NUBPL: variants seen among roughly 807,000 people sequenced by gnomAD.
NUBPL encodes the protein iron-sulfur cluster transfer protein NUBPL.
In NUBPL, 31 loss-of-function variants were observed where a neutral mutation model predicts 45.7. That is an observed-to-expected ratio of 0.68 (90% CI 0.51 to 0.92). The LOEUF is 0.92. Among genes scored for constraint, NUBPL ranks in the 40% least tolerant of loss-of-function variants. The pLI, the probability that NUBPL is intolerant of heterozygous loss-of-function variation, is 0.00. For missense variants in NUBPL, 401 were observed against 398.7 expected (o/e 1.01, Z -0.05); for synonymous variants, 144 against 140.9 (o/e 1.02, Z -0.15).
At chr14:31,786,045 CTAT>C (rs1477154319) in intron 6 of NUBPL, among the ~76,000 whole-genome samples, 1 of 151,986 alleles carries the variant, frequency 6.6e-6, no homozygotes, top group East Asian at 1.9e-4. Flanking sequence ...ATAGTCCCAG[CTAT>C]TAGGGAGGCT....
At chr14:31,743,669 T>C (rs2038334220) in intron 6 of NUBPL, among the ~76,000 whole-genome samples, 1 of 152,182 alleles carries the variant, frequency 6.6e-6, no homozygotes, top group African/African-American at 2.4e-5. Flanking sequence ...AGTGAGCCAC[T>C]GCGCTTAGCC....
intron 4 of NUBPL, among the ~76,000 whole-genome samples, chr14:31,636,156 C>T (rs1237877593): frequency 6.6e-6 from 1 of 152,054 alleles, no homozygotes; most frequent in Non-Finnish European, 1.5e-5. Context: ...AGAGGGCATC[C>T]CTGTCTTGTG....
At chr14:31,745,845 T>A (rs1388276221) in intron 6 of NUBPL, among the ~76,000 whole-genome samples, 1 of 151,940 alleles carries the variant, frequency 6.6e-6, no homozygotes, top group African/African-American at 2.4e-5. Flanking sequence ...CATGGTATGA[T>A]AAGGAACGCT....
intron 6 of NUBPL, among the ~76,000 whole-genome samples, chr14:31,712,175 T>C (rs754033913): frequency 5.3e-5 from 8 of 152,208 alleles, no homozygotes; most frequent in Non-Finnish European, 4.4e-5. Context: ...AGAGAGCTGA[T>C]TGGTCCGTTT....
chr14:31,649,071 G>T (rs1401514523), intron 4 of NUBPL, among the ~76,000 whole-genome samples: 1 of 152,162 alleles, frequency 6.6e-6, no homozygotes, highest in Non-Finnish European at 1.5e-5. Flanking sequence ...GCCTCCCAAA[G>T]TGCTGGGATT....
At chr14:31,660,546 A>AT (rs2036245229) in intron 4 of NUBPL, among the ~76,000 whole-genome samples, 1 of 152,114 alleles carries the variant, frequency 6.6e-6, no homozygotes, top group Non-Finnish European at 1.5e-5. Context: ...ATACAGGTTT[A>AT]TTTTTTATAA....
chr14:31,854,281 C>A (rs1387581366), intron 10 of NUBPL, among the ~76,000 whole-genome samples: 2 of 152,072 alleles, frequency 1.3e-5, no homozygotes, highest in Non-Finnish European at 2.9e-5. Flanking sequence ...ACAAAAAGAT[C>A]TTGAATAGGA....
chr14:31,665,926 C>G lies in NUBPL; in HGVS notation c.383-7429C>G, dbSNP rs547943386. On this transcript the variant is annotated intron_variant, in intron 4 of 10. Transcript: ENST00000281081. ...AATCCGGGTGCTCCTGTATTGGGTG[C>G]ATATATATTTAAGATAATGCTTCTT... Among the ~76,000 whole-genome samples, 16 of 152,040 alleles carry G rather than the reference C, an allele frequency of 1.1e-4. No homozygotes were observed. In the East Asian group the frequency reaches 2.1e-3, roughly 20 times the overall value.
In NUBPL at chr14:31,673,342, T is replaced by C. The variant is rs778603807; in HGVS notation, c.383-13T>C. 1 of 1,599,048 alleles carries C rather than the reference T, an allele frequency of 6.3e-7. No homozygotes were observed. Among genetic ancestry groups the C allele is most frequent in the Non-Finnish European group, 8.5e-7 (1 of 1,171,898 alleles). ...TTTATTGTTCTAAAAGAGAGGATTT[T>C]TTTTTTTTCCAGGCAACCTAATGAG... On this transcript the variant is annotated splice_polypyrimidine_tract_variant and intron_variant, in intron 4 of 10. Coordinates refer to ENST00000281081, the MANE Select transcript of NUBPL (RefSeq NM_025152.3).
At chr14:31,810,944 C>T (rs1011051282) in intron 7 of NUBPL, among the ~76,000 whole-genome samples, 4 of 152,104 alleles carry the variant, frequency 2.6e-5, no homozygotes, top group African/African-American at 9.7e-5. Context: ...TGAATATTGG[C>T]CCCCACTCTC....
intron 7 of NUBPL, among the ~76,000 whole-genome samples, chr14:31,813,608 A>G (rs2039858624): frequency 6.6e-6 from 1 of 151,716 alleles, no homozygotes; most frequent in South Asian, 2.1e-4. Flanking sequence ...ACATAGATAT[A>G]CATGTACCAT....
intron 6 of NUBPL, among the ~76,000 whole-genome samples, chr14:31,766,674 T>G (rs2038918661): frequency 6.6e-6 from 1 of 152,156 alleles, no homozygotes; most frequent in Admixed American, 6.5e-5. Context: ...AGTTTCTCTC[T>G]CACAACTGTA....
chr14:31,825,776 C>T, intron 7 of NUBPL, among the ~76,000 whole-genome samples: 1 of 149,268 alleles, frequency 6.7e-6, no homozygotes. Flanking sequence ...TCTTCCTCCT[C>T]CTTTTTCTTC....
intron 8 of NUBPL, among the ~76,000 whole-genome samples, chr14:31,831,201 G>A (rs1022961992): frequency 6.6e-6 from 1 of 151,422 alleles, no homozygotes; most frequent in Non-Finnish European, 1.5e-5. Flanking sequence ...CCACCACCAC[G>A]CCCAGCTTAT....
chr14:31,606,678 GC>G (rs1355782822), intron 4 of NUBPL, among the ~76,000 whole-genome samples: 1 of 152,082 alleles, frequency 6.6e-6, no homozygotes, highest in African/African-American at 2.4e-5. Flanking sequence ...AGCCTCATGG[GC>G]CACAGAGGGC....
At chr14:31,761,525 G>A (rs2038809162) in intron 6 of NUBPL, among the ~76,000 whole-genome samples, 1 of 152,156 alleles carries the variant, frequency 6.6e-6, no homozygotes, top group Non-Finnish European at 1.5e-5. Flanking sequence ...TAATTGCTTA[G>A]TAAGCATTTT....
intron 6 of NUBPL, among the ~76,000 whole-genome samples, chr14:31,702,862 C>T (rs1258882063): frequency 6.6e-6 from 1 of 152,176 alleles, no homozygotes; most frequent in South Asian, 2.1e-4. Context: ...TTCTCCTAAA[C>T]CTAAACATTT....
chr14:31,772,180 A>G (rs1446232017), intron 6 of NUBPL, among the ~76,000 whole-genome samples: 1 of 152,210 alleles, frequency 6.6e-6, no homozygotes, highest in African/African-American at 2.4e-5. Flanking sequence ...AGTGCTACAC[A>G]TCTAAATATA....
intron 7 of NUBPL, among the ~76,000 whole-genome samples, chr14:31,798,753 C>G (rs1325788237): frequency 8.4e-6 from 1 of 118,504 alleles, no homozygotes; most frequent in Non-Finnish European, 1.6e-5. Context: ...GATCATGCCA[C>G]TGCACTCCAG....
Sources: allele counts gnomAD v4.1 joint callset (sites outside exome capture counted in the v4.1 genomes callset), GRCh38; gene constraint gnomAD v4.1.1; transcripts MANE v1.5; gene names NCBI Gene and HGNC (gene_info 2026-07-23, HGNC 2026-07-21).